Variants in CDH18 observed in about 807,000 individuals in gnomAD.
The protein encoded by CDH18 is cadherin 18.
CDH18 carries 31 observed loss-of-function variants against 67.9 expected under a neutral mutation model. That is an observed-to-expected ratio of 0.46 (90% CI 0.34 to 0.62). The LOEUF (loss-of-function observed/expected upper bound fraction) is 0.62. CDH18 is among the 20% of genes least tolerant of loss of function. The pLI, the probability that CDH18 is intolerant of heterozygous loss-of-function variation, is 0.01. For synonymous variants in CDH18, 362 were observed against 347.2 expected (o/e 1.04, Z -0.48); for missense variants, 890 against 975.5 (o/e 0.91, Z 1.17).
At chr5:20,406,943 TATA>T (rs757447590) in intron 1 of CDH18, among the ~76,000 whole-genome samples, 1 of 152,170 alleles carries the variant, frequency 6.6e-6, no homozygotes, top group Non-Finnish European at 1.5e-5. Flanking sequence ...TGCAGCATTA[TATA>T]ATAAGGAGGA....
chr5:19,715,429 C>A lies in CDH18; in HGVS notation c.643+5918G>T, dbSNP rs186230447. On this transcript the variant is annotated intron_variant, in intron 5 of 12. Transcript: ENST00000382275. The stretch of plus-strand genomic sequence containing the variant: ...CAGTTATTGTCCGTCAAGAGCTCTG[C>A]ATTAGTGGCTGTTGTTTCAGACAGA... Among the ~76,000 whole-genome samples the A allele has an allele frequency of 7.9e-5, 12 of 152,252 alleles. No individual in the cohort carries two copies. The East Asian group carries it at 2.1e-3, about 27-fold the overall frequency.
intron 1 of CDH18, among the ~76,000 whole-genome samples, chr5:20,445,938 CAG>C (rs1280807772): frequency 6.6e-6 from 1 of 152,012 alleles, no homozygotes; most frequent in Non-Finnish European, 1.5e-5. Flanking sequence ...TTACAGAACT[CAG>C]GGTGCTTTTA....
chr5:20,333,520 AATAT>A (rs141580496), intron 1 of CDH18, among the ~76,000 whole-genome samples: 2 of 115,716 alleles, frequency 1.7e-5, no homozygotes, highest in African/African-American at 5.5e-5. Context: ...AAAAAAAAAC[AATAT>A]ATATACACAC....
intron 8 of CDH18, among the ~76,000 whole-genome samples, chr5:19,567,250 T>C (rs1164154013): frequency 6.6e-6 from 1 of 152,184 alleles, no homozygotes; most frequent in Non-Finnish European, 1.5e-5. Flanking sequence ...ACATCTTGTT[T>C]AGAGTTGAAA....
chr5:20,175,372 T>C (rs916913440), intron 2 of CDH18, among the ~76,000 whole-genome samples: 1 of 152,256 alleles, frequency 6.6e-6, no homozygotes, highest in African/African-American at 2.4e-5. Context: ...CCTGATAAAA[T>C]TAAAGGTCAA....
chr5:20,348,619 A>G (rs1248981324), intron 1 of CDH18, among the ~76,000 whole-genome samples: 4 of 152,190 alleles, frequency 2.6e-5, no homozygotes, highest in Non-Finnish European at 5.9e-5. Context: ...AATTTGCATC[A>G]TACTGAGAAA....
intron 2 of CDH18, among the ~76,000 whole-genome samples, chr5:20,028,314 C>T (rs1206093150): frequency 6.6e-6 from 1 of 152,080 alleles, no homozygotes; most frequent in Non-Finnish European, 1.5e-5. Context: ...ATATTGTACT[C>T]AGTGAAAGAA....
At chr5:19,474,779 T>A (rs73760023) in intron 12 of CDH18, among the ~76,000 whole-genome samples, 4,996 of 152,200 alleles carry the variant, frequency 0.033, 98 homozygotes, top group East Asian at 0.065. Flanking sequence ...GGATAGCTCT[T>A]GCTAAATATG....
rs542124203 is a variant in CDH18, at chr5:20,557,197, A to T, written c.-580+18265T>A. Among the ~76,000 whole-genome samples the T allele has an allele frequency of 4.6e-5, 7 of 152,254 alleles. No individual in the cohort carries two copies. The South Asian group carries it at 1.4e-3, about 32-fold the overall frequency. Reference sequence around the variant, plus strand: ...TGTTTTCTTTTTCACATATATAATAAGACATTTTATAAGGAATATCAAAAT... The same window carrying T: ...TGTTTTCTTTTTCACATATATAATATGACATTTTATAAGGAATATCAAAAT... On this transcript the variant is annotated intron_variant, in intron 1 of 14. Coordinates refer to the CDH18 transcript ENST00000507958.
At chr5:19,860,433 CTT>C in intron 2 of CDH18, among the ~76,000 whole-genome samples, 1 of 142,468 alleles carries the variant, frequency 7.0e-6, no homozygotes, top group Admixed American at 7.1e-5. Flanking sequence ...TCTTCTTCTT[CTT>C]TTTTTTTTTT....
chr5:19,523,505 T>C (rs980598616), intron 9 of CDH18, among the ~76,000 whole-genome samples: 4 of 150,268 alleles, frequency 2.7e-5, no homozygotes, highest in Non-Finnish European at 5.9e-5. Flanking sequence ...CAACACAATA[T>C]AAAAATAGGC....
At chr5:20,149,477 T>G (rs947607164) in intron 2 of CDH18, among the ~76,000 whole-genome samples, 6 of 151,978 alleles carry the variant, frequency 3.9e-5, no homozygotes, top group Non-Finnish European at 5.9e-5. Flanking sequence ...GTGAAGGGAG[T>G]CATGTGATGA....
intron 1 of CDH18, among the ~76,000 whole-genome samples, chr5:20,445,095 T>C (rs1285255487): frequency 6.6e-6 from 1 of 152,204 alleles, no homozygotes; most frequent in African/African-American, 2.4e-5. Flanking sequence ...TAGTAGCATT[T>C]TCTTCATTCA....
chr5:19,964,658 A>AG (rs1370981689), intron 2 of CDH18, among the ~76,000 whole-genome samples: 1 of 151,334 alleles, frequency 6.6e-6, no homozygotes, highest in East Asian at 1.9e-4. Context: ...AAAAAAAAAA[A>AG]AAAGAAAAAA....
intron 2 of CDH18, among the ~76,000 whole-genome samples, chr5:19,928,307 G>A (rs1793307331): frequency 6.6e-6 from 1 of 152,096 alleles, no homozygotes; most frequent in African/African-American, 2.4e-5. Flanking sequence ...AAAAACTACT[G>A]ACATAAATGA....
rs1740853113 is a variant in CDH18 at position 20,217,256 on chromosome 5, G to A, written c.-518+38188C>T. ...AACAGAATATTATAACACTGTAATT[G>A]TGGTGTATCTTGAGTAGAAAGTCTA... On this transcript the variant is annotated intron_variant, in intron 2 of 14. Coordinates refer to the CDH18 transcript ENST00000507958. Among the ~76,000 whole-genome samples, 4 of 151,846 alleles carry A rather than the reference G, an allele frequency of 2.6e-5. No individual in the cohort carries two copies. The South Asian group carries it at 6.2e-4, about 24-fold the overall frequency.
At chr5:19,847,112 T>C (rs1200423402) in intron 2 of CDH18, among the ~76,000 whole-genome samples, 1 of 152,116 alleles carries the variant, frequency 6.6e-6, no homozygotes, top group Non-Finnish European at 1.5e-5. Flanking sequence ...TTAGCAAGTT[T>C]TGTGTTTAAA....
At chr5:19,741,336 A>T (rs1433143486) in intron 4 of CDH18, among the ~76,000 whole-genome samples, 159 of 25,372 alleles carry the variant, frequency 6.3e-3, no homozygotes, top group South Asian at 8.8e-3. Flanking sequence ...TGTCTCACAC[A>T]CACACACACA....
chr5:20,338,712 A>T (rs1370840917), intron 1 of CDH18, among the ~76,000 whole-genome samples: 1 of 152,130 alleles, frequency 6.6e-6, no homozygotes, highest in Non-Finnish European at 1.5e-5. Flanking sequence ...TTTTTCTGTG[A>T]TGTCTTGATT....
Sources: allele counts gnomAD v4.1 joint callset (sites outside exome capture counted in the v4.1 genomes callset), GRCh38; gene constraint gnomAD v4.1.1; transcripts MANE v1.5; gene names NCBI Gene and HGNC (gene_info 2026-07-23, HGNC 2026-07-21).